The following AUTS2 variants were observed in gnomAD, a reference collection of about 807,000 sequenced individuals.
AUTS2 encodes the protein activator of transcription and developmental regulator AUTS2.
AUTS2 carries 17 observed loss-of-function variants against 112.4 expected under a neutral mutation model. That is an observed-to-expected ratio of 0.15 (90% CI 0.10 to 0.23). The LOEUF (loss-of-function observed/expected upper bound fraction) is 0.23, where lower values mean the gene tolerates loss of function less well. Among genes scored for constraint, AUTS2 ranks in the 10% least tolerant of loss-of-function variants. AUTS2 has a pLI of 1.00. For synonymous variants in AUTS2, 751 were observed against 702.7 expected, an observed-to-expected ratio of 1.07 and a Z score of -1.09; for missense variants, 1,510 against 1,701.6, an observed-to-expected ratio of 0.89 and a Z score of 1.98.
intron 4 of AUTS2, among the ~76,000 whole-genome samples, chr7:70,323,291 A>C (rs997985950): frequency 3.9e-5 from 6 of 152,216 alleles, no homozygotes; most frequent in Admixed American, 2.0e-4. Flanking sequence ...AGACAAGCAA[A>C]GTAAGTGGAA....
At chr7:70,349,085 T>G (rs1435254695) in intron 4 of AUTS2, among the ~76,000 whole-genome samples, 1 of 152,214 alleles carries the variant, frequency 6.6e-6, no homozygotes, top group Admixed American at 6.5e-5. Flanking sequence ...TAGACACTAC[T>G]ACTACTATCA....
At chr7:70,002,534 AT>A (rs1799244968) in intron 2 of AUTS2, among the ~76,000 whole-genome samples, 1 of 152,104 alleles carries the variant, frequency 6.6e-6, no homozygotes, top group Non-Finnish European at 1.5e-5. Flanking sequence ...ACACATATAG[AT>A]TTTAACTCTT....
At chr7:70,377,773 CTT>C (rs1200007177) in intron 4 of AUTS2, among the ~76,000 whole-genome samples, 54 of 137,452 alleles carry the variant, frequency 3.9e-4, no homozygotes, top group African/African-American at 1.1e-3. Context: ...ATAATGTCTT[CTT>C]TTTTTTTTTT....
At chr7:70,429,185 A>G (rs1056160320) in intron 4 of AUTS2, among the ~76,000 whole-genome samples, 1 of 152,212 alleles carries the variant, frequency 6.6e-6, no homozygotes, top group African/African-American at 2.4e-5. Flanking sequence ...GCTGCATGGA[A>G]TCAACCACAG....
intron 1 of AUTS2, among the ~76,000 whole-genome samples, chr7:69,602,786 G>T (rs1792504482): frequency 6.6e-6 from 1 of 152,178 alleles, no homozygotes; most frequent in Non-Finnish European, 1.5e-5. Flanking sequence ...AACACACAAT[G>T]GGAAATAGAA....
intron 5 of AUTS2, among the ~76,000 whole-genome samples, chr7:70,679,032 G>A (rs1477579243): frequency 1.3e-5 from 2 of 152,100 alleles, no homozygotes; most frequent in African/African-American, 4.8e-5. Context: ...TAAATGAGTA[G>A]ATGAATAAAT....
At chr7:70,724,361 AG>A (rs1383503751) in intron 6 of AUTS2, among the ~76,000 whole-genome samples, 8 of 151,900 alleles carry the variant, frequency 5.3e-5, no homozygotes, top group Admixed American at 5.3e-4. Context: ...TCTGTTTTAT[AG>A]TAAGCTTATC....
chr7:70,293,588 G>A (rs1350271370), intron 4 of AUTS2: 1 of 152,086 alleles, frequency 6.6e-6, no homozygotes, highest in Admixed American at 6.5e-5. Context: ...AAGGGATATG[G>A]ACAAATTTGT....
intron 4 of AUTS2, among the ~76,000 whole-genome samples, chr7:70,267,239 A>G (rs1787473334): frequency 6.6e-6 from 1 of 150,554 alleles, no homozygotes; most frequent in Non-Finnish European, 1.5e-5. Flanking sequence ...TGGAAATGGC[A>G]TTTCCTCATT....
intron 4 of AUTS2, among the ~76,000 whole-genome samples, chr7:70,387,981 G>A (rs1793689402): frequency 6.6e-6 from 1 of 152,100 alleles, no homozygotes; most frequent in Non-Finnish European, 1.5e-5. Context: ...AAATTACAAG[G>A]CCTTCTATAT....
chr7:69,973,720 A>G (rs1797946584), intron 2 of AUTS2, among the ~76,000 whole-genome samples: 1 of 152,266 alleles, frequency 6.6e-6, no homozygotes. Flanking sequence ...TAGCCTATTA[A>G]TACGGTAGAG....
At chr7:69,625,729 A>G (rs1583964197) in intron 1 of AUTS2, among the ~76,000 whole-genome samples, 1 of 152,062 alleles carries the variant, frequency 6.6e-6, no homozygotes, top group South Asian at 2.1e-4. Context: ...GTGGTGGCTT[A>G]CAATGGTAGT....
In AUTS2 at chr7:70,370,176, C is replaced by T. The variant is rs368007558; in HGVS notation, c.661-65576C>T. 1.8e-4 allele frequency among the ~76,000 whole-genome samples: 28 copies of T among 152,308 alleles called. No individual in the cohort carries two copies. The South Asian group carries it at 5.8e-3, about 32-fold the overall frequency. On this transcript the variant is annotated intron_variant, in intron 4 of 18. Coordinates refer to ENST00000342771, the MANE Select transcript of AUTS2 (RefSeq NM_015570.4). ...AACAGCTTTATTGAGTTATAGTTCA[C>T]ATACCACACAACTCACCCACTTAAG... is the stretch of plus-strand genomic sequence containing the variant.
intron 4 of AUTS2, among the ~76,000 whole-genome samples, chr7:70,429,760 A>G (rs1427451104): frequency 6.6e-6 from 1 of 151,980 alleles, no homozygotes; most frequent in Non-Finnish European, 1.5e-5. Context: ...TTTCTTTTTC[A>G]TTTTTCAAGA....
intron 5 of AUTS2, among the ~76,000 whole-genome samples, chr7:70,613,457 G>A (rs1804199889): frequency 6.6e-6 from 1 of 152,090 alleles, no homozygotes; most frequent in South Asian, 2.1e-4. Flanking sequence ...TATTGTGTTA[G>A]GTGTGTTTTG....
At chr7:70,555,642 C>T (rs184956138) in intron 5 of AUTS2, among the ~76,000 whole-genome samples, 7 of 152,258 alleles carry the variant, frequency 4.6e-5, no homozygotes, top group Admixed American at 2.0e-4. Context: ...CTAACCTTCT[C>T]TGATGTTGTT....
chr7:69,812,599 G>A (rs1244855288), intron 1 of AUTS2, among the ~76,000 whole-genome samples: 1 of 152,128 alleles, frequency 6.6e-6, no homozygotes, highest in Non-Finnish European at 1.5e-5. Flanking sequence ...GGATGCCCTT[G>A]GTGCGTCCGT....
intron 2 of AUTS2, among the ~76,000 whole-genome samples, chr7:70,105,599 T>C (rs544461468): frequency 6.6e-6 from 1 of 152,300 alleles, no homozygotes; most frequent in African/African-American, 2.4e-5. Flanking sequence ...GCTGTCTTTC[T>C]TGATTACATG....
chr7:69,772,201 T>A (rs1350905597), intron 1 of AUTS2, among the ~76,000 whole-genome samples: 1 of 152,220 alleles, frequency 6.6e-6, no homozygotes, highest in Non-Finnish European at 1.5e-5. Flanking sequence ...GTGCAATTTC[T>A]GGATAACTGA....
Sources: allele counts gnomAD v4.1 joint callset (sites outside exome capture counted in the v4.1 genomes callset), GRCh38; gene constraint gnomAD v4.1.1; transcripts MANE v1.5; gene names NCBI Gene and HGNC (gene_info 2026-07-23, HGNC 2026-07-21).